The following MAGI2 variants were observed in gnomAD, a reference collection of about 807,000 sequenced individuals.
MAGI2 encodes the protein membrane associated guanylate kinase, WW and PDZ domain containing 2, also known as membrane-associated guanylate kinase, WW and PDZ domain-containing protein 2.
MAGI2 carries 35 observed loss-of-function variants against 133.3 expected under a neutral mutation model. The observed-to-expected ratio is 0.26, with a 90% confidence interval of 0.20 to 0.35. The LOEUF is 0.35. MAGI2 is among the 10% of genes least tolerant of loss of function. The pLI, the probability that MAGI2 is intolerant of heterozygous loss-of-function variation, is 1.00. For synonymous variants in MAGI2, 729 were observed against 710.6 expected, an observed-to-expected ratio of 1.03 and a Z score of -0.41; for missense variants, 1,636 against 1,863.4, an observed-to-expected ratio of 0.88 and a Z score of 2.25.
intron 6 of MAGI2, among the ~76,000 whole-genome samples, chr7:78,425,269 G>A (rs1277534026): frequency 6.6e-6 from 1 of 152,162 alleles, no homozygotes; most frequent in Non-Finnish European, 1.5e-5. Flanking sequence ...ATTCATGTAA[G>A]ATATGACTTG....
At chr7:78,384,001 G>T (rs1472632902) in intron 6 of MAGI2, among the ~76,000 whole-genome samples, 2 of 151,664 alleles carry the variant, frequency 1.3e-5, no homozygotes, top group African/African-American at 4.8e-5. Flanking sequence ...CCATACCCTT[G>T]TAATATATTT....
At chr7:78,057,052 T>A (rs552555250) in intron 21 of MAGI2, among the ~76,000 whole-genome samples, 111 of 128,666 alleles carry the variant, frequency 8.6e-4, no homozygotes, top group African/African-American at 3.1e-3. Context: ...TGTGTCTATA[T>A]ATATAAATTA....
chr7:79,358,868 T>C, intron 1 of MAGI2, among the ~76,000 whole-genome samples: 1 of 152,292 alleles, frequency 6.6e-6, no homozygotes, highest in Non-Finnish European at 1.5e-5. Context: ...TCAAGACACA[T>C]GGGCAAGACC....
At chr7:78,436,406 G>C (rs1027849497) in intron 6 of MAGI2, among the ~76,000 whole-genome samples, 1 of 152,116 alleles carries the variant, frequency 6.6e-6, no homozygotes, top group Non-Finnish European at 1.5e-5. Flanking sequence ...GAAAGTCCTT[G>C]CAACAGACCT....
chr7:79,266,512 G>T (rs1260069481), intron 1 of MAGI2, among the ~76,000 whole-genome samples: 1 of 151,992 alleles, frequency 6.6e-6, no homozygotes, highest in Non-Finnish European at 1.5e-5. Flanking sequence ...CCCCACTAAG[G>T]GGAGTAGGGG....
intron 2 of MAGI2, among the ~76,000 whole-genome samples, chr7:79,001,238 A>G (rs1806825873): frequency 6.6e-6 from 1 of 152,174 alleles, no homozygotes; most frequent in Non-Finnish European, 1.5e-5. Flanking sequence ...TTTATAAAAC[A>G]GAATTAGAGT....
chr7:79,024,277 C>A (rs990474290), intron 1 of MAGI2, among the ~76,000 whole-genome samples: 1 of 152,004 alleles, frequency 6.6e-6, no homozygotes, highest in Non-Finnish European at 1.5e-5. Context: ...ACCGACTTGC[C>A]ATATGAAGAA....
intron 1 of MAGI2, among the ~76,000 whole-genome samples, chr7:79,389,554 G>T (rs148800356): frequency 6.6e-6 from 1 of 151,982 alleles, no homozygotes; most frequent in Admixed American, 6.6e-5. Context: ...TATGTAAATA[G>T]CATTATTCTA....
chr7:79,155,521 G>A (rs1158391161), intron 1 of MAGI2, among the ~76,000 whole-genome samples: 1 of 151,914 alleles, frequency 6.6e-6, no homozygotes, highest in East Asian at 1.9e-4. Context: ...CATAAGCCCA[G>A]GTAACAAAAA....
At chr7:78,070,200 TATATATATATATATATATACAC>T (rs1258900706) in intron 21 of MAGI2, among the ~76,000 whole-genome samples, 33 of 35,520 alleles carry the variant, frequency 9.3e-4, no homozygotes, top group African/African-American at 2.0e-3. Context: ...TATATATATA[TATATATATATATATATATACAC>T]ACACACACAC....
chr7:79,116,732 A>G (rs183511473), intron 1 of MAGI2, among the ~76,000 whole-genome samples: 3 of 152,282 alleles, frequency 2.0e-5, no homozygotes, highest in Admixed American at 6.5e-5. Context: ...TTGATGATAA[A>G]TAAGTTCTTG....
At chr7:78,881,944 AC>A (rs1306753615) in intron 2 of MAGI2, among the ~76,000 whole-genome samples, 55 of 151,714 alleles carry the variant, frequency 3.6e-4, no homozygotes, top group African/African-American at 1.2e-3. Context: ...AAAAGAAAAA[AC>A]AAAACTAAAA....
intron 6 of MAGI2, among the ~76,000 whole-genome samples, chr7:78,417,736 A>G (rs1798430708): frequency 6.6e-6 from 1 of 152,162 alleles, no homozygotes; most frequent in African/African-American, 2.4e-5. Flanking sequence ...TTAATGATTA[A>G]GAAATAGGAT....
At chr7:78,201,235 C>A (rs752915048) in intron 10 of MAGI2, 42 bp from the exon 11 acceptor site, 2 of 1,050,000 alleles carry the variant, frequency 1.9e-6, no homozygotes, top group Non-Finnish European at 2.7e-6. Flanking sequence ...AAAATATTAC[C>A]GACTGCCACT....
At chr7:79,341,037 C>G (rs1191732451) in intron 1 of MAGI2, among the ~76,000 whole-genome samples, 1 of 152,058 alleles carries the variant, frequency 6.6e-6, no homozygotes, top group Non-Finnish European at 1.5e-5. Context: ...TGAACTTGAC[C>G]ATTTGTCTGC....
At chr7:78,181,048 G>C (rs1827144342) in intron 13 of MAGI2, among the ~76,000 whole-genome samples, 1 of 150,798 alleles carries the variant, frequency 6.6e-6, no homozygotes, top group African/African-American at 2.4e-5. Flanking sequence ...TATGTACAAA[G>C]CTGGGAGACA....
chr7:79,133,461 A>G (rs1284476582), intron 1 of MAGI2, among the ~76,000 whole-genome samples: 2 of 152,096 alleles, frequency 1.3e-5, no homozygotes, highest in Non-Finnish European at 2.9e-5. Flanking sequence ...AGTTGACTAT[A>G]TGTATTTGGC....
chr7:78,810,435 C>T (rs1034553877), intron 2 of MAGI2, among the ~76,000 whole-genome samples: 2 of 152,046 alleles, frequency 1.3e-5, no homozygotes, highest in Non-Finnish European at 2.9e-5. Flanking sequence ...AAGACTTGCT[C>T]AGTTATTATC....
intron 2 of MAGI2, among the ~76,000 whole-genome samples, chr7:78,905,289 T>G (rs980947253): frequency 1.3e-5 from 2 of 152,176 alleles, no homozygotes; most frequent in African/African-American, 2.4e-5. Context: ...GCCAAAACAT[T>G]TGGAAGCCAT....
Sources: gnomAD v4.1 joint callset for allele counts (sites outside exome capture counted in the v4.1 genomes callset) on GRCh38, gnomAD v4.1.1 for gene constraint, MANE v1.5 for transcripts, NCBI Gene and HGNC (gene_info 2026-07-23, HGNC 2026-07-21) for gene names.